Variants in TARS2 observed in about 807,000 individuals in gnomAD.
TARS2 encodes threonine--tRNA ligase, mitochondrial.
Under a neutral mutation model 94.4 loss-of-function variants are expected in TARS2, and 61 were observed. The ratio of observed to expected loss-of-function variants is 0.65; its 90% CI spans 0.53 to 0.80. The LOEUF is 0.80. Among genes scored for constraint, TARS2 ranks in the 30% least tolerant of loss-of-function variants. The probability of loss-of-function intolerance (pLI) is 0.00; values close to 1 mark genes in which losing one functional copy is unlikely to be tolerated. For missense variants in TARS2, 704 were observed against 902.5 expected (o/e 0.78, Z 2.82); for synonymous variants, 359 against 353.4 (o/e 1.02, Z -0.18).
At position 150,498,635 on chromosome 1, in the gene TARS2, G is replaced by A; in HGVS notation, c.1372G>A (p.Asp458Asn). ...CCGACTGCGGTGCTTCCAGCAGGATGACGCTCACATCTTCTGTACAACAGA... is the reference window on the plus strand; with the variant it reads ...CCGACTGCGGTGCTTCCAGCAGGATAACGCTCACATCTTCTGTACAACAGA... ...LTRLRCFQQD[D>N]AHIFCTTDQL... Residue 458 changes from aspartate (D) to asparagine (N), a missense_variant, in exon 11 of 18, where the codon GAC becomes AAC. Asp to Asn is a conservative substitution (Grantham distance 23). Around this residue, in one of 3 missense-constraint regions of TARS2, gnomAD observed 466 missense variants for 609.5 expected, o/e 0.76. Transcript: ENST00000369064. 6.2e-7 allele frequency: 1 copy of A among 1,612,838 alleles called. No individual in the cohort carries two copies. Among genetic ancestry groups the A allele is most frequent in the Non-Finnish European group, 8.5e-7 (1 of 1,179,652 alleles).
chr1:150,489,030 C>G lies in TARS2; in HGVS notation c.330C>G (p.Pro110=). 6.2e-7 allele frequency: 1 copy of G among 1,614,180 alleles called. No individual in the cohort carries two copies. The highest frequency in any genetic ancestry group is 8.5e-7 in the Non-Finnish European group (1 of 1,180,020). Residue 110 remains proline (P), a synonymous_variant, in exon 3 of 18, where the codon CCC becomes CCG. Coordinates refer to ENST00000369064, the MANE Select transcript of TARS2 (RefSeq NM_025150.5). The stretch of plus-strand genomic sequence containing the variant: ...GAGAACCTTATGATCTGGAGCGGCC[C>G]TTGGAGACAGATTCTGACCTCAGAT... The part of the protein sequence containing the change: ...VNGEPYDLER[P]LETDSDLRFL...
At position 150,497,641 on chromosome 1, in the gene TARS2, G is replaced by C; in HGVS notation, c.1132G>C (p.Val378Leu). The change falls in exon 10 of 18, where the codon GTG (valine) becomes CTG (leucine). Residue 378 changes from valine (V) to leucine (L), a missense_variant. Physicochemically the swap from Val to Leu is conservative, Grantham distance 32. Transcript: ENST00000369064. The stretch of plus-strand genomic sequence containing the variant: ...GCATTATCAGGAAGACATGTTTGCC[G>C]TGCAGCCCCCAGGCTCTGACAGGCC... ...WEHYQEDMFAVQPPGSDRPPS... is the reference protein window; with the variant it reads ...WEHYQEDMFALQPPGSDRPPS... 1 of 1,614,120 alleles carries C rather than the reference G, an allele frequency of 6.2e-7. No homozygotes were observed. Among genetic ancestry groups the C allele is most frequent in the Middle Eastern group, 1.6e-4 (1 of 6,062 alleles).
At chr1:150,504,575 G>C in intron 14 of TARS2, 57 bp from the exon 15 acceptor site, 1 of 1,592,452 alleles carries the variant, frequency 6.3e-7, no homozygotes, top group African/African-American at 1.3e-5. Flanking sequence ...GTGATCTTGG[G>C]TACACAATTC....
chr1:150,500,268 A>G (rs1044715923), intron 13 of TARS2, among the ~76,000 whole-genome samples: 1 of 152,186 alleles, frequency 6.6e-6, no homozygotes, highest in African/African-American at 2.4e-5. Flanking sequence ...CATTTTCAGT[A>G]AAGTAGGGCC....
rs1462423658 is a variant in TARS2, at chr1:150,505,608, G to A, written c.1911G>A (p.Arg637=). 1.2e-6 allele frequency: 2 copies of A among 1,614,144 alleles called. No homozygotes were observed. Among genetic ancestry groups the A allele is most frequent in the Non-Finnish European group, 1.7e-6 (2 of 1,180,020 alleles). ...EYAKEAQQSL[R]AAGLVSDLDA... is the part of the protein sequence containing the mutation. The stretch of plus-strand genomic sequence containing the variant: ...TGTTGCAGGCACAGCAGAGCCTGCG[G>A]GCTGCAGGACTGGTCAGTGACCTGG... Residue 637 remains arginine, a synonymous_variant, in exon 17 of 18, where the codon CGG becomes CGA. Coordinates refer to ENST00000369064, the MANE Select transcript of TARS2 (RefSeq NM_025150.5).
chr1:150,506,844 T>C (rs587644039), intron 17 of TARS2, 72 bp from the exon 18 acceptor site: 66 of 1,593,752 alleles, frequency 4.1e-5, no homozygotes, highest in Non-Finnish European at 5.5e-5. Context: ...CTCTCAAGTT[T>C]CTGCAGAGCA....
chr1:150,493,420 A>G (rs889095355), intron 7 of TARS2, among the ~76,000 whole-genome samples: 8 of 152,110 alleles, frequency 5.3e-5, no homozygotes, highest in African/African-American at 1.9e-4. Context: ...ACACCATTTG[A>G]CAGGCACAGG....
In TARS2 at chr1:150,497,771, A is replaced by C. The variant is rs778641276; in HGVS notation, c.1238+24A>C. ...TGGTAAGCTGGGAGCTAGGGTTACA[A>C]TCAGGTTGCTAAATATTAAATAATA... On this transcript the variant is annotated intron_variant, in intron 10 of 17. Transcript: ENST00000369064. 131 of 1,605,752 alleles carry C rather than the reference A, an allele frequency of 8.2e-5. 1 individual carries two copies. Among genetic ancestry groups the C allele is most frequent in the Admixed American group, 7.3e-4 (43 of 59,084 alleles).
rs1041663727 is a variant in TARS2, at chr1:150,504,243, G to C, written c.1618-92G>C. 4.8e-5 allele frequency: 59 copies of C among 1,230,554 alleles called. 1 individual carries two copies. In the South Asian group the frequency reaches 7.3e-4, roughly 15 times the overall value. 76.2% of individuals were successfully genotyped at this position (1,230,554 alleles called of 1,614,324 possible). A position where few individuals can be genotyped will look rare whatever the true frequency, so the allele number is the denominator to read the frequency against. On this transcript the variant is annotated intron_variant, in intron 13 of 17. Transcript: ENST00000369064. ...AAGGTAGTAGCCCGGGATGAGGGTA[G>C]GTTAAAGGGTGGGATGGCACAGGTA...
At position 150,487,966 on chromosome 1, in the gene TARS2, C is replaced by T. The variant is rs1397373116; in HGVS notation, c.175C>T (p.Arg59Trp). ...AGCAAGCATGGCACAGAAGGAACCC[C>T]GGACTATTAAGATATCACTTCCTGG... The part of the protein sequence containing the change: ...RLASMAQKEP[R>W]TIKISLPGGQ... Residue 59 changes from arginine (R) to tryptophan (W), a missense_variant, in exon 2 of 18, where the codon CGG (arginine) becomes TGG (tryptophan). Arg to Trp is a moderately radical substitution (Grantham distance 101). Coordinates refer to ENST00000369064, the MANE Select transcript of TARS2 (RefSeq NM_025150.5). 2 of 1,614,058 alleles carry T rather than the reference C, an allele frequency of 1.2e-6. No individual in the cohort carries two copies. Among genetic ancestry groups the T allele is most frequent in the Non-Finnish European group, 1.7e-6 (2 of 1,180,030 alleles).
intron 10 of TARS2, among the ~76,000 whole-genome samples, chr1:150,497,997 G>T (rs1011437521): frequency 1.3e-5 from 2 of 151,706 alleles, no homozygotes; most frequent in African/African-American, 4.8e-5. Context: ...GGAGGCTGAG[G>T]CAGGCTAATG....
At chr1:150,506,462 A>G (rs1282097675) in intron 17 of TARS2, among the ~76,000 whole-genome samples, 1 of 140,418 alleles carries the variant, frequency 7.1e-6, no homozygotes, top group African/African-American at 2.7e-5. Context: ...CACTTGCTCT[A>G]ATACCCCCTT....
rs909750961 is a variant in TARS2, at chr1:150,496,451, CT to C, written c.775-28del. 1.9e-6 allele frequency: 3 copies of C among 1,576,018 alleles called. No homozygotes were observed. In the African/African-American group the frequency reaches 4.1e-5, roughly 21 times the overall value. ...AAAGGTGGGGGCCTTCAGTCCTCAT[CT>C]TTCCTTTGATCCCCTATGTCCTCAC... On this transcript the variant is annotated intron_variant, in intron 7 of 17. Transcript: ENST00000369064.
In TARS2 at chr1:150,490,658, G is replaced by A. The variant is rs1239965763; in HGVS notation, c.445G>A (p.Ala149Thr). Residue 149 changes from alanine (A) to threonine (T), a missense_variant, in exon 4 of 18, where the codon GCT (alanine) becomes ACT (threonine). Transcript: ENST00000369064. ...GGCAGCAGCTGAACAATTCCTAGGT[G>A]CTGTTCTCTGCAGAGGTCCAAGTAC... ...LGAAAEQFLG[A>T]VLCRGPSTEY... 8.1e-6 allele frequency: 13 copies of A among 1,613,880 alleles called. No homozygotes were observed. Among genetic ancestry groups the A allele is most frequent in the Non-Finnish European group, 1.7e-6 (2 of 1,180,014 alleles).
chr1:150,498,805 T>C, intron 11 of TARS2, 92 bp from the exon 12 acceptor site: 1 of 1,609,560 alleles, frequency 6.2e-7, no homozygotes, highest in Admixed American at 1.7e-5. Flanking sequence ...TTCCGCTTCC[T>C]CTCTGTTTTT....
chr1:150,506,816 C>A, intron 17 of TARS2, 100 bp from the exon 18 acceptor site: 1 of 1,507,154 alleles, frequency 6.6e-7, no homozygotes, highest in Non-Finnish European at 9.1e-7. Context: ...TGCTCCCACC[C>A]TTCCTAAAGA....
intron 11 of TARS2, 97 bp downstream of exon 11, chr1:150,498,761 A>C (rs1006463988): frequency 1.2e-6 from 2 of 1,606,234 alleles, no homozygotes; most frequent in African/African-American, 2.7e-5. Context: ...CCCTGTATGT[A>C]CTATAATTCA....
chr1:150,491,171 A>G (rs1299752563), intron 4 of TARS2, among the ~76,000 whole-genome samples: 1 of 152,142 alleles, frequency 6.6e-6, no homozygotes, highest in Non-Finnish European at 1.5e-5. Context: ...GTCTATCCAG[A>G]TTTCCTGCAT....
chr1:150,498,463 C>G, intron 10 of TARS2, 39 bp from the exon 11 acceptor site: 1 of 1,518,670 alleles, frequency 6.6e-7, no homozygotes, highest in Non-Finnish European at 8.8e-7. Flanking sequence ...GGGGGCTAGT[C>G]CTCCCTATGG....
Sources: allele counts gnomAD v4.1 joint callset (sites outside exome capture counted in the v4.1 genomes callset), GRCh38; gene constraint gnomAD v4.1.1; regional missense constraint gnomAD v4.1.1; transcripts MANE v1.5; gene names NCBI Gene and HGNC (gene_info 2026-07-23, HGNC 2026-07-21).